Variants in MYH14 observed in about 807,000 individuals in gnomAD.
The protein encoded by MYH14 is myosin heavy chain 14.
A neutral mutation model predicts 255.5 loss-of-function variants in MYH14; 123 were observed. The ratio of observed to expected loss-of-function variants is 0.48; its 90% confidence interval spans 0.42 to 0.56. The LOEUF (loss-of-function observed/expected upper bound fraction) is 0.56. Ranked by LOEUF, MYH14 falls within the 20% of genes least tolerant of loss-of-function variation. The probability of loss-of-function intolerance (pLI) is 0.00; values close to 1 mark genes in which losing one functional copy is unlikely to be tolerated. For synonymous variants in MYH14, 1,095 were observed against 1,161.2 expected (o/e 0.94, Z 1.16); for missense variants, 2,423 against 2,802.3 (o/e 0.86, Z 3.06).
chr19:50,258,706 A>T (rs1380437190), intron 18 of MYH14: 1 of 144,278 alleles, frequency 6.9e-6, no homozygotes, highest in African/African-American at 2.7e-5. Context: ...TGGGCAACAG[A>T]GCAAGACTCT....
At chr19:50,204,649 C>A (rs1160828360) in intron 1 of MYH14, among the ~76,000 whole-genome samples, 1 of 152,180 alleles carries the variant, frequency 6.6e-6, no homozygotes, top group East Asian at 1.9e-4. Context: ...AATCCCAGCA[C>A]TTTGGGAGGT....
chr19:50,284,204 T>C (rs1479012226), intron 33 of MYH14, among the ~76,000 whole-genome samples: 1 of 152,252 alleles, frequency 6.6e-6, no homozygotes, highest in African/African-American at 2.4e-5. Context: ...TTTCTTTCCA[T>C]TCTGTTAGAG....
rs541451755 is a variant in MYH14, at chr19:50,227,375, T to C, written c.874+409T>C. On this transcript the variant is annotated intron_variant, in intron 8 of 42. Coordinates refer to ENST00000642316, the MANE Select transcript of MYH14 (RefSeq NM_001145809.2). ...AGGACACCAGGTGCGACAACACTTA[T>C]GAAATGCTGTCCCGGGGAAGCACAG... Among the ~76,000 whole-genome samples the C allele has an allele frequency of 2.0e-4, 30 of 152,224 alleles. No individual in the cohort carries two copies. The South Asian group carries it at 6.0e-3, about 30-fold the overall frequency.
intron 16 of MYH14, among the ~76,000 whole-genome samples, chr19:50,253,901 C>T (rs2034493107): frequency 6.6e-6 from 1 of 152,090 alleles, no homozygotes; most frequent in Admixed American, 6.6e-5. Flanking sequence ...GTAGAAATAC[C>T]AGTCCATGCA....
In MYH14 at chr19:50,280,036, G is replaced by A. The variant is rs1223022753; in HGVS notation, c.4033-1G>A. The A allele has an allele frequency of 6.2e-7, 1 of 1,605,860 alleles. No individual in the cohort carries two copies. Among genetic ancestry groups the A allele is most frequent in the Non-Finnish European group, 8.5e-7 (1 of 1,176,194 alleles). On this transcript the variant is annotated splice_acceptor_variant, in intron 30 of 42. Coordinates refer to ENST00000642316, the MANE Select transcript of MYH14 (RefSeq NM_001145809.2). LOFTEE classifies it high-confidence loss of function. The surrounding 1 kb of genome is among the most constrained non-coding windows in gnomAD (Gnocchi z 4.8). ...GCTTCATTCCCGTCCCTTCCCTGCA[G>A]GCTGAACTGGAGAATGTGTCTGGGG...
intron 17 of MYH14, 130 bp downstream of exon 17, chr19:50,255,448 C>A: frequency 1.4e-6 from 1 of 705,612 alleles, no homozygotes; most frequent in Non-Finnish European, 2.4e-6. Context: ...CTTCCTTTCC[C>A]TCCTTGTTGG....
At chr19:50,229,950 T>G (rs1054969838) in intron 8 of MYH14, among the ~76,000 whole-genome samples, 2 of 152,204 alleles carry the variant, frequency 1.3e-5, no homozygotes, top group Non-Finnish European at 2.9e-5. Context: ...AGTCTCACTC[T>G]GTCGCCCAGG....
chr19:50,227,453 C>T (rs1303448220), intron 8 of MYH14, among the ~76,000 whole-genome samples: 2 of 152,030 alleles, frequency 1.3e-5, no homozygotes, highest in South Asian at 2.1e-4. Flanking sequence ...CCCGCCTGCA[C>T]CCCCCGTCCC....
At chr19:50,292,032 C>T (rs952795538) in intron 36 of MYH14, among the ~76,000 whole-genome samples, 4 of 152,210 alleles carry the variant, frequency 2.6e-5, no homozygotes, top group African/African-American at 9.6e-5. Flanking sequence ...CAGCTGCCTT[C>T]TAGTTCTCAG....
At position 50,225,598 on chromosome 19, in the gene MYH14, G is replaced by A. The variant is rs767108206; in HGVS notation, c.731G>A (p.Arg244Gln). 1.9e-5 allele frequency: 30 copies of A among 1,612,694 alleles called. No homozygotes were observed. The highest frequency in any genetic ancestry group is 5.3e-5 in the African/African-American group (4 of 75,052). Residue 244 changes from arginine to glutamine, a missense_variant, in exon 7 of 43, where the codon CGG (arginine) becomes CAG (glutamine). Physicochemically the swap from Arg to Gln is conservative, Grantham distance 43. Transcript: ENST00000642316. ...VSTVSYGELERQLLQANPILE... is the reference protein window; with the variant it reads ...VSTVSYGELEQQLLQANPILE... ...TGTGCCCGGCAGGGTGAGCTGGAGC[G>A]GCAGCTGCTTCAGGCCAACCCCATC...
chr19:50,287,165 A>G (rs1384959463), intron 34 of MYH14, among the ~76,000 whole-genome samples: 1 of 152,206 alleles, frequency 6.6e-6, no homozygotes, highest in African/African-American at 2.4e-5. Flanking sequence ...ATTTGCATCC[A>G]TATAGACACA....
At position 50,250,553 on chromosome 19, in the gene MYH14, GTGC is replaced by G; in HGVS notation, c.1698_1700del (p.Cys566del). On this transcript the variant is annotated inframe_deletion, in exon 15 of 43. Coordinates refer to ENST00000642316, the MANE Select transcript of MYH14 (RefSeq NM_001145809.2). This position sits in a 1 kb window ranked among gnomAD's most constrained non-coding sequence, Gnocchi z 5.4. ...GACTCCTGGCCCTGCTGGATGAGGA[GTGC>G]TGGTTCCCGAAGGCCACAGACAAGT... is the stretch of plus-strand genomic sequence containing the variant. 6.2e-7 allele frequency: 1 copy of G among 1,613,890 alleles called. No homozygotes were observed. The highest frequency in any genetic ancestry group is 8.5e-7 in the Non-Finnish European group (1 of 1,179,908).
rs1484884945 is a variant in MYH14, at chr19:50,250,001, G to A, written c.1656+178G>A. Among the ~76,000 whole-genome samples, 1 of 152,270 alleles carries A rather than the reference G, an allele frequency of 6.6e-6. No individual in the cohort carries two copies. The highest frequency in any genetic ancestry group is 2.4e-5 in the African/African-American group (1 of 41,480). On this transcript the variant is annotated intron_variant, in intron 14 of 42. Coordinates refer to ENST00000642316, the MANE Select transcript of MYH14 (RefSeq NM_001145809.2). The surrounding 1 kb of genome is among the most constrained non-coding windows in gnomAD (Gnocchi z 5.4). The stretch of plus-strand genomic sequence containing the variant: ...TGTGACCATAGGTGATTAGGGCCCA[G>A]AATGTGCCTGCCACAGGGCCCGGCT...
At chr19:50,301,585 C>T (rs1400476552) in intron 39 of MYH14, 76 bp from the exon 40 acceptor site, 2 of 1,124,528 alleles carry the variant, frequency 1.8e-6, no homozygotes. Flanking sequence ...ACTTAATTCT[C>T]AGAGGTGCCT....
chr19:50,308,073 A>G (rs894014343), intron 41 of MYH14, among the ~76,000 whole-genome samples: 1 of 152,242 alleles, frequency 6.6e-6, no homozygotes, highest in African/African-American at 2.4e-5. Context: ...AAAAAAAGTG[A>G]AGAGAGAGGA....
At chr19:50,238,537 C>G (rs1378798575) in intron 10 of MYH14, among the ~76,000 whole-genome samples, 3 of 152,092 alleles carry the variant, frequency 2.0e-5, no homozygotes, top group Admixed American at 1.3e-4. Flanking sequence ...CTCCAACCTC[C>G]ACCTCCCTGG....
At chr19:50,237,339 T>TTTGAGACTC (rs2033703110) in intron 10 of MYH14, among the ~76,000 whole-genome samples, 1 of 151,878 alleles carries the variant, frequency 6.6e-6, no homozygotes, top group African/African-American at 2.4e-5. Flanking sequence ...TTTTTTTTTT[T>TTTGAGACTC]TTTGAGACAG....
At chr19:50,247,448 G>A (rs1043783409) in intron 12 of MYH14, among the ~76,000 whole-genome samples, 7 of 151,766 alleles carry the variant, frequency 4.6e-5, no homozygotes, top group African/African-American at 1.7e-4. Flanking sequence ...AGGCTGCAGC[G>A]AGCTGTAATT....
rs2032911944 is a variant in MYH14, at chr19:50,223,002, T to C, written c.563-81T>C. On this transcript the variant is annotated intron_variant, in intron 3 of 42. Coordinates refer to ENST00000642316, the MANE Select transcript of MYH14 (RefSeq NM_001145809.2). ...TACTCCCTGGGAATAATTTTTAAAA[T>C]GCAGCGGCCAGTGTAAGGGACCAGA... 3.7e-6 allele frequency: 5 copies of C among 1,341,634 alleles called. No individual in the cohort carries two copies. In the East Asian group the frequency reaches 1.1e-4, roughly 31 times the overall value. The allele number at this position is 1,341,634 out of a possible 1,614,324, so 83.1% of individuals were successfully genotyped here.
Sources: allele counts gnomAD v4.1 joint callset (sites outside exome capture counted in the v4.1 genomes callset), GRCh38; gene constraint gnomAD v4.1.1; non-coding constraint Gnocchi (gnomAD v3.1); transcripts MANE v1.5; gene names NCBI Gene and HGNC (gene_info 2026-07-23, HGNC 2026-07-21).